Variants in HIVEP3 observed in about 807,000 individuals in gnomAD.
HIVEP3 encodes the protein transcription factor HIVEP3.
A neutral mutation model predicts 152.8 loss-of-function variants in HIVEP3; 49 were observed. The ratio of observed to expected loss-of-function variants is 0.32; its 90% CI spans 0.26 to 0.41. The LOEUF (loss-of-function observed/expected upper bound fraction) is 0.41, where lower values mean the gene tolerates loss of function less well. HIVEP3 is among the 10% of genes least tolerant of loss of function. The probability of loss-of-function intolerance (pLI) is 1.00; values close to 1 mark genes in which losing one functional copy is unlikely to be tolerated. For synonymous variants in HIVEP3, 1,269 were observed against 1,289.0 expected, an observed-to-expected ratio of 0.98 and a Z score of 0.33; for missense variants, 2,790 against 3,103.3, an observed-to-expected ratio of 0.90 and a Z score of 2.40.
chr1:41,789,311 T>C (rs1649549221), intron 1 of HIVEP3, among the ~76,000 whole-genome samples: 2 of 152,122 alleles, frequency 1.3e-5, no homozygotes, highest in Non-Finnish European at 2.9e-5. Flanking sequence ...ATCTGTAAAA[T>C]GGGGATAATA....
In HIVEP3 at chr1:41,582,479, G is replaced by A; in HGVS notation, c.2319C>T (p.Phe773=). ...SVPSLEGPTG[F]QPRTPKPGSG... Reference sequence around the variant, plus strand: ...ACCCTGGCTTGGGAGTCCTTGGCTGGAAGCCCGTGGGTCCCTCCAAGGAGG... The same window carrying A: ...ACCCTGGCTTGGGAGTCCTTGGCTGAAAGCCCGTGGGTCCCTCCAAGGAGG... Residue 773 remains phenylalanine, a synonymous_variant, in exon 4 of 9, where the codon TTC becomes TTT. Transcript: ENST00000372583. The surrounding 1 kb of genome is among the most constrained non-coding windows in gnomAD (Gnocchi z 4.7). 6.2e-7 allele frequency: 1 copy of A among 1,613,386 alleles called. No individual in the cohort carries two copies. Among genetic ancestry groups the A allele is most frequent in the Non-Finnish European group, 8.5e-7 (1 of 1,179,424 alleles).
intron 1 of HIVEP3, among the ~76,000 whole-genome samples, chr1:41,958,584 C>T (rs1341230656): frequency 6.6e-6 from 1 of 152,200 alleles, no homozygotes. Flanking sequence ...TGACCAGGCC[C>T]ACCCCCACTA....
intron 5 of HIVEP3, among the ~76,000 whole-genome samples, chr1:41,526,780 AACACACACCCTC>A (rs1642954584): frequency 7.1e-5 from 3 of 41,982 alleles, no homozygotes; most frequent in Non-Finnish European, 1.5e-4. Context: ...CACTCACCCT[AACACACACCCTC>A]ACACGCTCAC....
intron 1 of HIVEP3, among the ~76,000 whole-genome samples, chr1:41,963,161 G>C (rs1167243197): frequency 1.3e-5 from 2 of 152,134 alleles, no homozygotes; most frequent in Non-Finnish European, 2.9e-5. Flanking sequence ...ACAGGTACCT[G>C]CCACCACGCC....
At chr1:41,600,676 G>C (rs1570067339) in intron 3 of HIVEP3, among the ~76,000 whole-genome samples, 2 of 152,014 alleles carry the variant, frequency 1.3e-5, no homozygotes, top group Admixed American at 1.3e-4. Context: ...TAGTAAAGTT[G>C]GTCAATGTTA....
Position 41,962,742 on chromosome 1 carries a change from T to A in HIVEP3, n.120-44218A>T, listed in dbSNP as rs189199143. ...CTTGGAAAGACAATAATAAAAAAAA[T>A]TTCTGAAAGAAAGATGTACTAGAGC... is the stretch of plus-strand genomic sequence containing the variant. On this transcript the variant is annotated intron_variant and non_coding_transcript_variant, in intron 1 of 3. Transcript: ENST00000489103. 3.7e-4 allele frequency among the ~76,000 whole-genome samples: 57 copies of A among 152,296 alleles called. No individual in the cohort carries two copies. In the East Asian group the frequency reaches 0.01, roughly 27 times the overall value.
chr1:41,833,621 G>A (rs1321348124), intron 1 of HIVEP3, among the ~76,000 whole-genome samples: 1 of 152,146 alleles, frequency 6.6e-6, no homozygotes, highest in African/African-American at 2.4e-5. Context: ...CATTATAAAA[G>A]CAGCAGAATC....
At chr1:41,567,809 C>T (rs941673839) in intron 5 of HIVEP3, among the ~76,000 whole-genome samples, 1 of 152,218 alleles carries the variant, frequency 6.6e-6, no homozygotes, top group Non-Finnish European at 1.5e-5. Flanking sequence ...GGCTCCCAAC[C>T]CCAGAGCCTG....
At chr1:41,592,656 G>T (rs1264029978) in intron 3 of HIVEP3, among the ~76,000 whole-genome samples, 1 of 152,194 alleles carries the variant, frequency 6.6e-6, no homozygotes, top group African/African-American at 2.4e-5. Context: ...TGGCTTCTCT[G>T]GGGGAAGGGC....
Position 41,619,572 on chromosome 1 carries a change from C to T in HIVEP3, c.-522+9177G>A, listed in dbSNP as rs897589300. On this transcript the variant is annotated intron_variant, in intron 3 of 8. Transcript: ENST00000372583. The stretch of plus-strand genomic sequence containing the variant: ...TTGGCCCCTTATGTCTAAGTAGGGC[C>T]GAAGGTAAGGATGACCTACCTCTTT... Among the ~76,000 whole-genome samples, 7 of 152,016 alleles carry T rather than the reference C, an allele frequency of 4.6e-5. No homozygotes were observed. The East Asian group carries it at 5.8e-4, about 13-fold the overall frequency.
chr1:41,692,859 G>A (rs956404396), intron 2 of HIVEP3, among the ~76,000 whole-genome samples: 2 of 152,132 alleles, frequency 1.3e-5, no homozygotes, highest in African/African-American at 4.8e-5. Flanking sequence ...CCCTATTGAT[G>A]GACAATTTGG....
chr1:41,958,864 A>C (rs780594372), intron 1 of HIVEP3, among the ~76,000 whole-genome samples: 1 of 152,168 alleles, frequency 6.6e-6, no homozygotes, highest in Non-Finnish European at 1.5e-5. Context: ...GTAAAACTAG[A>C]TTAGAAGACT....
rs137873780 is a variant in HIVEP3, at chr1:41,515,191, C to T, written c.5471-1441G>A. ...GGGCTGGCACAGAAACTGACTCAGG[C>T]CGCTGGGGCAGCTAGGCTTTGGCTC... On this transcript the variant is annotated intron_variant, in intron 7 of 8. Transcript: ENST00000372583. Among the ~76,000 whole-genome samples, 13 of 152,356 alleles carry T rather than the reference C, an allele frequency of 8.5e-5. No individual in the cohort carries two copies. The East Asian group carries it at 2.5e-3, about 29-fold the overall frequency.
At chr1:41,735,668 G>T (rs1420758264) in intron 1 of HIVEP3, among the ~76,000 whole-genome samples, 5 of 152,108 alleles carry the variant, frequency 3.3e-5, no homozygotes, top group African/African-American at 7.2e-5. Context: ...TGGGACTCAG[G>T]CATTGCTGGG....
chr1:41,710,779 A>T (rs1294579410), intron 1 of HIVEP3, among the ~76,000 whole-genome samples: 1 of 152,116 alleles, frequency 6.6e-6, no homozygotes, highest in Non-Finnish European at 1.5e-5. Context: ...CTGACTCCCC[A>T]ATCCCTGTGG....
chr1:41,538,017 T>C (rs1472067960), intron 5 of HIVEP3, among the ~76,000 whole-genome samples: 2 of 152,172 alleles, frequency 1.3e-5, no homozygotes, highest in Non-Finnish European at 2.9e-5. Context: ...TGGTCTCAAG[T>C]GTGACTAACA....
chr1:41,558,366 C>T (rs116412328), intron 5 of HIVEP3, among the ~76,000 whole-genome samples: 1,943 of 152,314 alleles, frequency 0.013, 16 homozygotes, highest in Non-Finnish European at 0.019. Context: ...GCGTAAGCTA[C>T]AACCCTCAGG....
At chr1:41,672,354 G>T (rs1178523367) in intron 2 of HIVEP3, among the ~76,000 whole-genome samples, 1 of 152,186 alleles carries the variant, frequency 6.6e-6, no homozygotes, top group Non-Finnish European at 1.5e-5. Flanking sequence ...GCCACTGCTT[G>T]GTCCTTGTCT....
At chr1:41,821,081 A>G (rs60074987) in intron 1 of HIVEP3, among the ~76,000 whole-genome samples, 13,226 of 152,162 alleles carry the variant, frequency 0.087, 722 homozygotes, top group East Asian at 0.21. Context: ...GAGCCCAGAG[A>G]AGGAAAGGAA....
Sources: gnomAD v4.1 joint callset for allele counts (sites outside exome capture counted in the v4.1 genomes callset) on GRCh38, gnomAD v4.1.1 for gene constraint, Gnocchi (gnomAD v3.1) non-coding constraint, MANE v1.5 for transcripts, NCBI Gene and HGNC (gene_info 2026-07-23, HGNC 2026-07-21) for gene names.